The following DPYD variants were observed in gnomAD, a reference collection of about 807,000 sequenced individuals.
DPYD encodes the protein dihydropyrimidine dehydrogenase.
In DPYD, 109 loss-of-function variants were observed where a neutral mutation model predicts 116.2. The ratio of observed to expected loss-of-function variants is 0.94; its 90% CI spans 0.80 to 1.10. DPYD has a LOEUF of 1.10. Among genes scored for constraint, DPYD ranks in the 50% least tolerant of loss-of-function variants. The pLI is 0.00. For synonymous variants in DPYD, 440 were observed against 432.0 expected (o/e 1.02, Z -0.23); for missense variants, 1,302 against 1,254.5 (o/e 1.04, Z -0.57).
chr1:97,173,425 T>A (rs1042604339), intron 20 of DPYD, among the ~76,000 whole-genome samples: 1 of 149,706 alleles, frequency 6.7e-6, no homozygotes, highest in Non-Finnish European at 1.5e-5. Flanking sequence ...CATATATGTG[T>A]GTATATACGT....
intron 20 of DPYD, among the ~76,000 whole-genome samples, chr1:97,131,435 C>CA (rs887925707): frequency 7.2e-5 from 11 of 152,092 alleles, no homozygotes; most frequent in African/African-American, 2.7e-4. Context: ...ATAGCAGTCA[C>CA]AAAAAGGCCA....
intron 2 of DPYD, among the ~76,000 whole-genome samples, chr1:97,834,872 T>C (rs1669693089): frequency 6.6e-6 from 1 of 152,050 alleles, no homozygotes; most frequent in African/African-American, 2.4e-5. Flanking sequence ...TGAAGTTCTT[T>C]ATAAGTACAA....
intron 20 of DPYD, among the ~76,000 whole-genome samples, chr1:97,166,244 C>T (rs1656317401): frequency 6.6e-6 from 1 of 152,166 alleles, no homozygotes; most frequent in African/African-American, 2.4e-5. Flanking sequence ...CCATGGAATA[C>T]TATGTAGCCA....
At chr1:97,562,491 A>T (rs1480532774) in intron 11 of DPYD, among the ~76,000 whole-genome samples, 2 of 152,224 alleles carry the variant, frequency 1.3e-5, no homozygotes, top group African/African-American at 2.4e-5. Context: ...AGAATTACAA[A>T]ATATAACAAG....
At chr1:97,081,467 A>G (rs1483785491) in intron 22 of DPYD, among the ~76,000 whole-genome samples, 4 of 152,062 alleles carry the variant, frequency 2.6e-5, no homozygotes, top group Admixed American at 1.3e-4. Flanking sequence ...CAGGCTTTTG[A>G]GAAGAAACTT....
At chr1:97,753,014 T>C (rs1665017334) in intron 3 of DPYD, among the ~76,000 whole-genome samples, 1 of 152,226 alleles carries the variant, frequency 6.6e-6, no homozygotes, top group South Asian at 2.1e-4. Flanking sequence ...CAAATTTATG[T>C]AAATAACAAA....
intron 4 of DPYD, among the ~76,000 whole-genome samples, chr1:97,736,983 C>T (rs1571274634): frequency 6.6e-6 from 1 of 151,962 alleles, no homozygotes; most frequent in African/African-American, 2.4e-5. Flanking sequence ...TCCATCACCA[C>T]TAGTAGTCAT....
At chr1:97,196,717 A>G (rs1227265361) in intron 19 of DPYD, among the ~76,000 whole-genome samples, 1 of 152,184 alleles carries the variant, frequency 6.6e-6, no homozygotes, top group Non-Finnish European at 1.5e-5. Context: ...TAGGAAAGTT[A>G]AATGACTTGC....
intron 13 of DPYD, chr1:97,514,243 C>T: frequency 1.0e-6 from 1 of 984,914 alleles, no homozygotes; most frequent in Non-Finnish European, 1.2e-6. Context: ...CACAGCATCA[C>T]AAATCAATGC....
chr1:97,370,656 G>T (rs895476653), intron 16 of DPYD, among the ~76,000 whole-genome samples: 2 of 152,054 alleles, frequency 1.3e-5, no homozygotes, highest in Non-Finnish European at 2.9e-5. Flanking sequence ...GCTCTTTAAA[G>T]TTAGTTTAAA....
At chr1:97,744,058 CGAA>C (rs1257400048) in intron 3 of DPYD, among the ~76,000 whole-genome samples, 1 of 151,608 alleles carries the variant, frequency 6.6e-6, no homozygotes, top group Non-Finnish European at 1.5e-5. Flanking sequence ...ATGAATTTGT[CGAA>C]GAGCAAAATA....
intron 3 of DPYD, among the ~76,000 whole-genome samples, chr1:97,742,257 T>C (rs1473132852): frequency 6.6e-6 from 1 of 152,128 alleles, no homozygotes; most frequent in Non-Finnish European, 1.5e-5. Context: ...ATTTCCTTCA[T>C]GAAAACAATA....
intron 4 of DPYD, among the ~76,000 whole-genome samples, chr1:97,732,425 A>G (rs974953373): frequency 2.7e-5 from 4 of 150,404 alleles, no homozygotes; most frequent in African/African-American, 7.3e-5. Flanking sequence ...CAGTGAGCCG[A>G]GATTGTGCCA....
Position 97,595,111 on chromosome 1 carries a change from C to A in DPYD, c.906G>T (p.Gly302=). 2 of 1,613,706 alleles carry A rather than the reference C, an allele frequency of 1.2e-6. No individual in the cohort carries two copies. Among genetic ancestry groups the A allele is most frequent in the Non-Finnish European group, 1.7e-6 (2 of 1,179,706 alleles). The part of the protein sequence containing the change: ...AIFQGLTQDQ[G]FYTSKDFLPL... ...GCAAAAAGTCTTTGGATGTATAAAACCCCTGGTCCTGCGTCAGGCCTTGGA... is the reference window on the plus strand; with the variant it reads ...GCAAAAAGTCTTTGGATGTATAAAAACCCTGGTCCTGCGTCAGGCCTTGGA... Residue 302 remains glycine, a synonymous_variant, in exon 9 of 23, where the codon GGG becomes GGT. Coordinates refer to ENST00000370192, the MANE Select transcript of DPYD (RefSeq NM_000110.4).
chr1:97,694,053 A>G (rs2100957831), intron 6 of DPYD, among the ~76,000 whole-genome samples: 1 of 152,344 alleles, frequency 6.6e-6, no homozygotes, highest in South Asian at 2.1e-4. Flanking sequence ...TTGAATGCAG[A>G]TGCAGGCACC....
At chr1:97,647,480 G>A (rs141525653) in intron 8 of DPYD, among the ~76,000 whole-genome samples, 8 of 151,966 alleles carry the variant, frequency 5.3e-5, no homozygotes, top group Non-Finnish European at 1.2e-4. Context: ...TTATTCTAAT[G>A]TAATAAATAT....
At chr1:97,609,150 A>G (rs1655782449) in intron 8 of DPYD, among the ~76,000 whole-genome samples, 1 of 151,964 alleles carries the variant, frequency 6.6e-6, no homozygotes, top group African/African-American at 2.4e-5. Flanking sequence ...CTATGATGAC[A>G]TATGGTTTTA....
At chr1:97,482,981 C>T (rs1678408236) in intron 13 of DPYD, among the ~76,000 whole-genome samples, 2 of 152,086 alleles carry the variant, frequency 1.3e-5, no homozygotes, top group Admixed American at 6.6e-5. Flanking sequence ...ATTTCTTGTA[C>T]CGCTCTCTCA....
At chr1:97,247,541 A>G (rs548682989) in intron 18 of DPYD, among the ~76,000 whole-genome samples, 1 of 152,304 alleles carries the variant, frequency 6.6e-6, no homozygotes, top group East Asian at 1.9e-4. Flanking sequence ...AAAAACTAGT[A>G]GTGATTTGTA....
Sources: allele counts gnomAD v4.1 joint callset (sites outside exome capture counted in the v4.1 genomes callset), GRCh38; gene constraint gnomAD v4.1.1; transcripts MANE v1.5; gene names NCBI Gene and HGNC (gene_info 2026-07-23, HGNC 2026-07-21).